MTUS2: variants seen among roughly 807,000 people sequenced by gnomAD.
MTUS2 encodes microtubule associated scaffold protein 2.
MTUS2 carries 40 observed loss-of-function variants against 114.1 expected under a neutral mutation model. The ratio of observed to expected loss-of-function variants is 0.35; its 90% CI spans 0.27 to 0.46. MTUS2 has a LOEUF of 0.46. Ranked by LOEUF, MTUS2 falls within the 20% of genes least tolerant of loss-of-function variation. The pLI, the probability that MTUS2 is intolerant of heterozygous loss-of-function variation, is 1.00. For missense variants in MTUS2, 1,679 were observed against 1,705.4 expected, an observed-to-expected ratio of 0.98 and a Z score of 0.27; for synonymous variants, 688 against 672.0, an observed-to-expected ratio of 1.02 and a Z score of -0.37.
chr13:29,166,059 G>A (rs896397256), intron 5 of MTUS2, among the ~76,000 whole-genome samples: 2 of 152,142 alleles, frequency 1.3e-5, no homozygotes, highest in Admixed American at 6.5e-5. Flanking sequence ...GATTGTGGTG[G>A]TGACTCATGT....
intron 6 of MTUS2, among the ~76,000 whole-genome samples, chr13:29,309,465 T>C (rs1330553696): frequency 2.6e-5 from 4 of 152,030 alleles, no homozygotes; most frequent in Non-Finnish European, 5.9e-5. Flanking sequence ...TCAGGAAGAA[T>C]AGCTAATGGA....
chr13:29,403,536 A>G (rs751600540), intron 8 of MTUS2, among the ~76,000 whole-genome samples: 1 of 152,234 alleles, frequency 6.6e-6, no homozygotes, highest in Non-Finnish European at 1.5e-5. Context: ...TGGACTGAGT[A>G]AAGCTGATTG....
At chr13:29,141,171 G>A (rs941289546) in intron 5 of MTUS2, among the ~76,000 whole-genome samples, 1 of 152,174 alleles carries the variant, frequency 6.6e-6, no homozygotes, top group African/African-American at 2.4e-5. Context: ...AGCACCAATT[G>A]TATGATAAGC....
chr13:28,967,290 A>G (rs551165522), intron 2 of MTUS2, among the ~76,000 whole-genome samples: 3 of 152,140 alleles, frequency 2.0e-5, no homozygotes, highest in Non-Finnish European at 4.4e-5. Context: ...CCATTTTACT[A>G]TTTATATTGC....
At chr13:29,109,886 A>G (rs1193027543) in intron 5 of MTUS2, among the ~76,000 whole-genome samples, 1 of 152,186 alleles carries the variant, frequency 6.6e-6, no homozygotes, top group African/African-American at 2.4e-5. Flanking sequence ...TCTAGTTTTG[A>G]ATTTTTATAA....
chr13:29,176,814 T>C (rs1213883453), intron 5 of MTUS2, among the ~76,000 whole-genome samples: 1 of 151,002 alleles, frequency 6.6e-6, no homozygotes, highest in Non-Finnish European at 1.5e-5. Flanking sequence ...TTCGTGAGGC[T>C]TGGCCATCTC....
intron 7 of MTUS2, among the ~76,000 whole-genome samples, chr13:29,355,074 T>G (rs942416062): frequency 2.0e-5 from 3 of 152,236 alleles, no homozygotes; most frequent in South Asian, 4.1e-4. Context: ...TGTTATTGTG[T>G]CAGTTAAGCT....
intron 2 of MTUS2, among the ~76,000 whole-genome samples, chr13:28,845,257 T>C (rs1248408820): frequency 6.6e-6 from 1 of 152,214 alleles, no homozygotes. Context: ...GCTAGCAACA[T>C]TTTCTAATCT....
At chr13:29,149,187 C>A (rs1473035750) in intron 5 of MTUS2, among the ~76,000 whole-genome samples, 1 of 152,186 alleles carries the variant, frequency 6.6e-6, no homozygotes, top group Non-Finnish European at 1.5e-5. Context: ...GCCTCACCAG[C>A]ATCTGTTGTT....
intron 7 of MTUS2, among the ~76,000 whole-genome samples, chr13:29,347,039 A>C (rs1368035577): frequency 2.6e-5 from 4 of 151,248 alleles, no homozygotes; most frequent in Admixed American, 2.0e-4. Context: ...GCCACAAGCC[A>C]CCTCTTTCAA....
chr13:28,830,842 G>A (rs1312203366), intron 1 of MTUS2, among the ~76,000 whole-genome samples: 2 of 152,138 alleles, frequency 1.3e-5, no homozygotes, highest in African/African-American at 2.4e-5. Context: ...TCAGAAACTG[G>A]AGGCTAGAAG....
intron 5 of MTUS2, among the ~76,000 whole-genome samples, chr13:29,241,080 A>G (rs1364282674): frequency 6.6e-6 from 1 of 152,224 alleles, no homozygotes; most frequent in Admixed American, 6.5e-5. Flanking sequence ...TACATTTAAT[A>G]TGTATCAAAT....
intron 2 of MTUS2, among the ~76,000 whole-genome samples, chr13:28,919,194 C>T (rs901921855): frequency 4.6e-5 from 7 of 152,102 alleles, no homozygotes; most frequent in Non-Finnish European, 1.0e-4. Flanking sequence ...CATTATTGCT[C>T]ATTAATGTCT....
chr13:28,993,120 GTTTATCCA>G (rs900002205), intron 2 of MTUS2, among the ~76,000 whole-genome samples: 1 of 152,044 alleles, frequency 6.6e-6, no homozygotes, highest in Non-Finnish European at 1.5e-5. Flanking sequence ...TATCACATTT[GTTTATCCA>G]TTTATCCATA....
At chr13:28,901,882 A>G (rs7329422) in intron 2 of MTUS2, among the ~76,000 whole-genome samples, 2,333 of 152,326 alleles carry the variant, frequency 0.015, 56 homozygotes, top group African/African-American at 0.053. Flanking sequence ...ATCTGCAAAC[A>G]AACAAAAACC....
At chr13:29,325,504 G>A (rs1566131959) in intron 7 of MTUS2, among the ~76,000 whole-genome samples, 2 of 136,976 alleles carry the variant, frequency 1.5e-5, no homozygotes, top group Admixed American at 6.9e-5. Flanking sequence ...GGAGGAGGAG[G>A]AGGAGAAGGA....
chr13:28,890,066 T>C (rs1242741353), intron 2 of MTUS2, among the ~76,000 whole-genome samples: 1 of 152,226 alleles, frequency 6.6e-6, no homozygotes, highest in Non-Finnish European at 1.5e-5. Context: ...AAGTGCAGTG[T>C]TGTCCCTGGA....
chr13:29,272,294 C>G (rs1050615724), intron 5 of MTUS2, among the ~76,000 whole-genome samples: 1 of 151,946 alleles, frequency 6.6e-6, no homozygotes, highest in Non-Finnish European at 1.5e-5. Flanking sequence ...AATTTGATTG[C>G]CTAGGATTGT....
intron 6 of MTUS2, among the ~76,000 whole-genome samples, chr13:29,302,712 A>C (rs2139611910): frequency 1.3e-5 from 2 of 152,354 alleles, no homozygotes; most frequent in South Asian, 4.1e-4. Context: ...CAGTTGACTC[A>C]GCTATGCCAG....
Sources: allele counts gnomAD v4.1 joint callset (sites outside exome capture counted in the v4.1 genomes callset), GRCh38; gene constraint gnomAD v4.1.1; transcripts MANE v1.5; gene names NCBI Gene and HGNC (gene_info 2026-07-23, HGNC 2026-07-21).